Variants in CDK14 observed in about 807,000 individuals in gnomAD.
CDK14 encodes the protein cyclin-dependent kinase 14.
CDK14 carries 34 observed loss-of-function variants against 60.7 expected under a neutral mutation model. That is an observed-to-expected ratio of 0.56 (90% CI 0.43 to 0.75). CDK14 has a LOEUF of 0.75. Among genes scored for constraint, CDK14 ranks in the 30% least tolerant of loss-of-function variants. The pLI, the probability that CDK14 is intolerant of heterozygous loss-of-function variation, is 0.00. For synonymous variants in CDK14, 197 were observed against 203.7 expected (o/e 0.97, Z 0.28); for missense variants, 482 against 564.1 (o/e 0.85, Z 1.47).
At chr7:91,098,069 T>C (rs1799047834) in intron 12 of CDK14, among the ~76,000 whole-genome samples, 1 of 152,184 alleles carries the variant, frequency 6.6e-6, no homozygotes, top group African/African-American at 2.4e-5. Context: ...ACAGGGCCTG[T>C]GTAAAGGATG....
chr7:91,024,392 C>T (rs1045505368), intron 10 of CDK14, among the ~76,000 whole-genome samples: 2 of 152,112 alleles, frequency 1.3e-5, no homozygotes, highest in Non-Finnish European at 2.9e-5. Flanking sequence ...GTGGCTCATG[C>T]CTGTAATCCC....
chr7:91,043,344 C>T (rs1276599609), intron 10 of CDK14, among the ~76,000 whole-genome samples: 1 of 152,210 alleles, frequency 6.6e-6, no homozygotes, highest in Admixed American at 6.5e-5. Flanking sequence ...GGTCTGTTTT[C>T]ACATGTGACA....
intron 7 of CDK14, among the ~76,000 whole-genome samples, chr7:90,905,819 G>A (rs4728945): frequency 0.99 from 150,029 of 152,278 alleles, 73,943 homozygotes; most frequent in South Asian, 1. Context: ...GATAATAGTG[G>A]TACTTCCTCC....
intron 3 of CDK14, among the ~76,000 whole-genome samples, chr7:90,743,125 A>G (rs1803420276): frequency 6.6e-6 from 1 of 152,094 alleles, no homozygotes; most frequent in Admixed American, 6.5e-5. Flanking sequence ...AAAGTTTCAG[A>G]TTTTTGGAAC....
chr7:90,938,038 A>T (rs1474909478), intron 8 of CDK14, among the ~76,000 whole-genome samples: 1 of 152,270 alleles, frequency 6.6e-6, no homozygotes, highest in Admixed American at 6.5e-5. Flanking sequence ...CAAAGAGATC[A>T]TGAAAGAATA....
chr7:90,947,803 A>C (rs968510800), intron 8 of CDK14, among the ~76,000 whole-genome samples: 2 of 152,208 alleles, frequency 1.3e-5, no homozygotes, highest in Non-Finnish European at 2.9e-5. Context: ...TTAAAAACTA[A>C]AGAAATTAAC....
chr7:91,149,813 CT>C (rs1264457143), intron 14 of CDK14, among the ~76,000 whole-genome samples: 1 of 152,216 alleles, frequency 6.6e-6, no homozygotes, highest in Non-Finnish European at 1.5e-5. Context: ...CATTCATTTT[CT>C]TCCACTCTGT....
intron 2 of CDK14, among the ~76,000 whole-genome samples, chr7:90,687,900 A>G (rs1801472083): frequency 6.6e-6 from 1 of 152,156 alleles, no homozygotes. Flanking sequence ...TGATGATCTA[A>G]AGCAAATAGG....
intron 4 of CDK14, among the ~76,000 whole-genome samples, chr7:90,775,525 G>A (rs1804987522): frequency 6.6e-6 from 1 of 151,778 alleles, no homozygotes; most frequent in South Asian, 2.1e-4. Context: ...GATTTCTCTA[G>A]AAATGTGAAA....
At chr7:90,952,987 TCTC>T (rs755499073) in intron 8 of CDK14, among the ~76,000 whole-genome samples, 14 of 152,182 alleles carry the variant, frequency 9.2e-5, no homozygotes, top group Non-Finnish European at 1.6e-4. Context: ...AGTCTCTTTC[TCTC>T]CTCTTTTGTT....
chr7:91,152,365 G>A (rs539335349), intron 14 of CDK14, among the ~76,000 whole-genome samples: 1 of 152,214 alleles, frequency 6.6e-6, no homozygotes, highest in East Asian at 1.9e-4. Context: ...ACATTTTTGG[G>A]TTTACTTCTA....
chr7:90,860,684 C>A (rs1272950855), intron 5 of CDK14, among the ~76,000 whole-genome samples: 1 of 152,028 alleles, frequency 6.6e-6, no homozygotes, highest in African/African-American at 2.4e-5. Flanking sequence ...TGCCACCACA[C>A]CTAGCTAATT....
intron 12 of CDK14, among the ~76,000 whole-genome samples, chr7:91,095,261 G>A (rs1798948724): frequency 6.6e-6 from 1 of 152,198 alleles, no homozygotes; most frequent in Non-Finnish European, 1.5e-5. Flanking sequence ...AACAGAGCCT[G>A]TCCCATAGAA....
At position 91,014,908 on chromosome 7, in the gene CDK14, C is replaced by G. The variant is rs1313369121; in HGVS notation, c.1041+30667C>G. ...AAATCCCCTTTCAGTTTTTCAAAGT[C>G]TATGATTAGTTCCTTGTTGATATGA... On this transcript the variant is annotated intron_variant, in intron 10 of 14. Coordinates refer to ENST00000380050, the MANE Select transcript of CDK14 (RefSeq NM_001287135.2). Among the ~76,000 whole-genome samples, 3 of 152,128 alleles carry G rather than the reference C, an allele frequency of 2.0e-5. No homozygotes were observed. In the East Asian group the frequency reaches 5.8e-4, roughly 29 times the overall value.
At chr7:91,076,330 C>G (rs896431355) in intron 11 of CDK14, among the ~76,000 whole-genome samples, 1 of 144,968 alleles carries the variant, frequency 6.9e-6, no homozygotes, top group African/African-American at 2.6e-5. Flanking sequence ...GAACAGAAAC[C>G]TCAGAAACAA....
intron 8 of CDK14, among the ~76,000 whole-genome samples, chr7:90,929,987 T>A (rs1036528689): frequency 6.6e-6 from 1 of 152,220 alleles, no homozygotes; most frequent in African/African-American, 2.4e-5. Context: ...GAAATCTACA[T>A]GTAAAATGGC....
intron 3 of CDK14, among the ~76,000 whole-genome samples, chr7:90,737,776 C>T (rs1803182092): frequency 6.6e-6 from 1 of 152,156 alleles, no homozygotes; most frequent in African/African-American, 2.4e-5. Flanking sequence ...CTGATTGAAT[C>T]CTTCCTCTCT....
At chr7:91,202,502 TTGA>T (rs1802761567) in intron 14 of CDK14, among the ~76,000 whole-genome samples, 1 of 152,200 alleles carries the variant, frequency 6.6e-6, no homozygotes, top group East Asian at 1.9e-4. Flanking sequence ...AAGAATTACA[TTGA>T]TATTATATTT....
chr7:90,778,576 G>A (rs774715592), intron 4 of CDK14, among the ~76,000 whole-genome samples: 15 of 152,126 alleles, frequency 9.9e-5, no homozygotes, highest in Non-Finnish European at 1.9e-4. Flanking sequence ...AGTGTTTTTT[G>A]TATCAGTCCT....
Sources: allele counts gnomAD v4.1 joint callset (sites outside exome capture counted in the v4.1 genomes callset), GRCh38; gene constraint gnomAD v4.1.1; transcripts MANE v1.5; gene names NCBI Gene and HGNC (gene_info 2026-07-23, HGNC 2026-07-21).